CCND3: variants seen among roughly 807,000 people sequenced by gnomAD.
CCND3 encodes the protein cyclin D3.
In CCND3, 9 loss-of-function variants were observed where a neutral mutation model predicts 28.7. The ratio of observed to expected loss-of-function variants is 0.31; its 90% CI spans 0.19 to 0.55. The LOEUF is 0.55. CCND3 is among the 20% of genes least tolerant of loss of function. The probability of loss-of-function intolerance (pLI) is 0.93; values close to 1 mark genes in which losing one functional copy is unlikely to be tolerated. For missense variants in CCND3, 315 were observed against 385.8 expected (o/e 0.82, Z 1.54); for synonymous variants, 164 against 163.9 (o/e 1.00, Z 0.00).
At chr6:41,969,596 C>T (rs1335063322) in intron 1 of CCND3, among the ~76,000 whole-genome samples, 2 of 152,030 alleles carry the variant, frequency 1.3e-5, no homozygotes, top group Non-Finnish European at 2.9e-5. Context: ...ATTAGCTGGG[C>T]GTGGTGGCAC....
chr6:41,935,197 C>G lies in CCND3; in HGVS notation c.*743G>C. ...CTCCTTGGCCACAAAGATCCTTTTG[C>G]CAGTAGCAGAAGGGAGGAAAACAGC... On this transcript the variant is annotated 3_prime_UTR_variant, in exon 5 of 5. Coordinates refer to ENST00000372991, the MANE Select transcript of CCND3 (RefSeq NM_001760.5). 1 of 233,496 alleles carries G rather than the reference C, an allele frequency of 4.3e-6. No individual in the cohort carries two copies. Among genetic ancestry groups the G allele is most frequent in the East Asian group, 6.0e-5 (1 of 16,578 alleles). The allele number at this position is 233,496 out of a possible 1,614,324, so 14.5% of individuals were successfully genotyped here. A position where few individuals can be genotyped will look rare whatever the true frequency, so the allele number is the denominator to read the frequency against.
chr6:41,993,741 A>G (rs1372138714), intron 1 of CCND3, among the ~76,000 whole-genome samples: 4 of 151,594 alleles, frequency 2.6e-5, no homozygotes. Flanking sequence ...TGGCCAACAT[A>G]CTGAAACCTG....
intron 1 of CCND3, among the ~76,000 whole-genome samples, chr6:41,997,617 C>T (rs1322574038): frequency 6.6e-6 from 1 of 152,098 alleles, no homozygotes; most frequent in African/African-American, 2.4e-5. Flanking sequence ...AGGAGCCAGG[C>T]ACAGTGGCAT....
intron 1 of CCND3, among the ~76,000 whole-genome samples, chr6:41,968,545 A>C (rs1386333137): frequency 2.0e-5 from 3 of 152,072 alleles, no homozygotes; most frequent in African/African-American, 4.8e-5. Context: ...ACACCATGGT[A>C]CTCCAGCCTG....
chr6:41,999,172 C>T (rs180943358), intron 1 of CCND3, among the ~76,000 whole-genome samples: 130 of 152,134 alleles, frequency 8.5e-4, no homozygotes, highest in African/African-American at 3.0e-3. Flanking sequence ...GCTGAGATAG[C>T]GCCATTGCGC....
At chr6:42,037,707 C>T (rs575379125) in intron 1 of CCND3, among the ~76,000 whole-genome samples, 24 of 152,002 alleles carry the variant, frequency 1.6e-4, no homozygotes, top group African/African-American at 5.8e-4. Context: ...AATGCCATGT[C>T]GGGTGCACCG....
chr6:42,016,464 G>A (rs1463852508), intron 1 of CCND3, among the ~76,000 whole-genome samples: 1 of 152,056 alleles, frequency 6.6e-6, no homozygotes, highest in Non-Finnish European at 1.5e-5. Flanking sequence ...CTACAACATG[G>A]GATAATAATA....
At chr6:41,992,465 T>TG in intron 1 of CCND3, among the ~76,000 whole-genome samples, 1 of 146,530 alleles carries the variant, frequency 6.8e-6, no homozygotes, top group East Asian at 2.0e-4. Context: ...CCCAGCCGGT[T>TG]TTTTTTTTTT....
intron 1 of CCND3, among the ~76,000 whole-genome samples, chr6:41,996,204 C>T (rs1381916431): frequency 2.0e-5 from 3 of 150,144 alleles, no homozygotes; most frequent in South Asian, 2.1e-4. Flanking sequence ...GGCTGGAGTG[C>T]ACTGGCATGA....
At chr6:42,040,970 C>T (rs1038839785) in intron 1 of CCND3, among the ~76,000 whole-genome samples, 2 of 151,734 alleles carry the variant, frequency 1.3e-5, no homozygotes, top group African/African-American at 4.8e-5. Flanking sequence ...GACTTATGTA[C>T]AAATGGCATA....
chr6:42,010,942 T>C (rs1763328471), intron 1 of CCND3: 1 of 152,114 alleles, frequency 6.6e-6, no homozygotes, highest in African/African-American at 2.4e-5. Context: ...TGAGAGGAAA[T>C]ATTAAGTTTC....
chr6:42,030,204 A>T (rs1468292506), intron 1 of CCND3: 1 of 152,298 alleles, frequency 6.6e-6, no homozygotes, highest in Non-Finnish European at 1.5e-5. Flanking sequence ...GTATGGGGGT[A>T]GCACAGAAGA....
Position 41,941,706 on chromosome 6 carries a change from G to A in CCND3, c.-57C>T. ...CGGGCTCGCGAGTCCCAAGGCAGGC[G>A]ACGGGCCGGAGAGCGCGGGGCGCGG... On this transcript the variant is annotated 5_prime_UTR_variant, in exon 1 of 5. Coordinates refer to ENST00000372991, the MANE Select transcript of CCND3 (RefSeq NM_001760.5). The surrounding 1 kb of genome is among the most constrained non-coding windows in gnomAD (Gnocchi z 6.1). The A allele has an allele frequency of 4.1e-6, 5 of 1,229,960 alleles. No homozygotes were observed. The highest frequency in any genetic ancestry group is 1.6e-5 in the African/African-American group (1 of 63,516). The allele number at this position is 1,229,960 out of a possible 1,614,324, so 76.2% of individuals were successfully genotyped here. A position where few individuals can be genotyped will look rare whatever the true frequency, so the allele number is the denominator to read the frequency against.
At chr6:41,949,614 T>G (rs1319367759) in intron 1 of CCND3, among the ~76,000 whole-genome samples, 1 of 151,602 alleles carries the variant, frequency 6.6e-6, no homozygotes, top group African/African-American at 2.4e-5. Flanking sequence ...AAAAGAAATT[T>G]CCTAAAATAT....
At chr6:41,989,816 C>T (rs1473955865) in intron 1 of CCND3, among the ~76,000 whole-genome samples, 3 of 152,122 alleles carry the variant, frequency 2.0e-5, no homozygotes, top group Non-Finnish European at 4.4e-5. Context: ...GGCAGTTATA[C>T]TCCTTGGTAT....
chr6:41,968,462 C>T (rs550698853), intron 1 of CCND3, among the ~76,000 whole-genome samples: 5 of 152,092 alleles, frequency 3.3e-5, no homozygotes, highest in African/African-American at 7.2e-5. Context: ...CTAGGAAAAT[C>T]GGGCCTGTAA....
At chr6:41,956,571 T>C (rs1561960345) in intron 1 of CCND3, among the ~76,000 whole-genome samples, 1 of 152,180 alleles carries the variant, frequency 6.6e-6, no homozygotes, top group Non-Finnish European at 1.5e-5. Flanking sequence ...TTTTAAACCC[T>C]TTACAGCAAA....
At chr6:42,036,306 T>TTATATATATATATATATA (rs566638387) in intron 1 of CCND3, among the ~76,000 whole-genome samples, 211 of 130,630 alleles carry the variant, frequency 1.6e-3, no homozygotes, top group Middle Eastern at 3.9e-3. Flanking sequence ...AAATTATTAT[T>TTATATATATATATATATA]TATATATATA....
chr6:41,954,250 T>TAAAAAAAAAAAAA lies in CCND3; in HGVS notation c.-45-13678_-45-13666dup, dbSNP rs34556754. Among the ~76,000 whole-genome samples the TAAAAAAAAAAAAA allele has an allele frequency of 1.8e-3, 65 of 35,146 alleles. 3 individuals carry two copies. The highest frequency in any genetic ancestry group is 6.8e-3 in the African/African-American group (53 of 7,742). The allele number at this position is 35,146 out of a possible 152,430, so 23.1% of individuals were successfully genotyped here. A position where few individuals can be genotyped will look rare whatever the true frequency, so the allele number is the denominator to read the frequency against. On this transcript the variant is annotated intron_variant, in intron 1 of 4. Coordinates refer to the CCND3 transcript ENST00000372988. ...TGGGGTACAGAGCAAGATTCTGCCT[T>TAAAAAAAAAAAAA]AAAAAAAAAAAAAAAAAAAAAAAAA...
Sources: allele counts gnomAD v4.1 joint callset (sites outside exome capture counted in the v4.1 genomes callset), GRCh38; gene constraint gnomAD v4.1.1; non-coding constraint Gnocchi (gnomAD v3.1); transcripts MANE v1.5; gene names NCBI Gene and HGNC (gene_info 2026-07-23, HGNC 2026-07-21).